The following CCSER1 variants were observed in gnomAD, a reference collection of about 807,000 sequenced individuals.
CCSER1 encodes coiled-coil serine rich protein 1.
CCSER1 carries 41 observed loss-of-function variants against 82.0 expected under a neutral mutation model. The observed-to-expected ratio is 0.50, with a 90% confidence interval of 0.39 to 0.65. CCSER1 has a LOEUF of 0.65. Ranked by LOEUF, CCSER1 falls within the 30% of genes least tolerant of loss-of-function variation. CCSER1 has a pLI of 0.00. For synonymous variants in CCSER1, 414 were observed against 383.9 expected (o/e 1.08, Z -0.92); for missense variants, 1,119 against 1,064.2 (o/e 1.05, Z -0.72).
At chr4:90,726,719 A>T (rs956489252) in intron 7 of CCSER1, among the ~76,000 whole-genome samples, 1 of 152,088 alleles carries the variant, frequency 6.6e-6, no homozygotes, top group African/African-American at 2.4e-5. Context: ...CTGTTTAAAA[A>T]CCATTGCTAG....
intron 10 of CCSER1, among the ~76,000 whole-genome samples, chr4:91,181,497 G>T (rs1734029436): frequency 6.6e-6 from 1 of 152,310 alleles, no homozygotes; most frequent in Middle Eastern, 3.4e-3. Context: ...AGCTCCTAGA[G>T]TAGGCCATAT....
intron 10 of CCSER1, among the ~76,000 whole-genome samples, chr4:91,433,293 T>C (rs1021719241): frequency 2.0e-5 from 3 of 152,184 alleles, no homozygotes; most frequent in African/African-American, 2.4e-5. Flanking sequence ...AAAATTCTTA[T>C]CACCTAGTGA....
chr4:90,598,011 T>C (rs891061136), intron 5 of CCSER1, among the ~76,000 whole-genome samples: 2 of 152,120 alleles, frequency 1.3e-5, no homozygotes, highest in South Asian at 2.1e-4. Flanking sequence ...TTGTTGTATA[T>C]ATATCACATT....
At chr4:90,779,070 AAAT>A (rs1451933300) in intron 7 of CCSER1, among the ~76,000 whole-genome samples, 1 of 152,116 alleles carries the variant, frequency 6.6e-6, no homozygotes, top group Non-Finnish European at 1.5e-5. Context: ...AGATTTATGC[AAAT>A]ATTATGTCAT....
chr4:91,233,780 A>G (rs770654638), intron 10 of CCSER1, among the ~76,000 whole-genome samples: 1 of 151,972 alleles, frequency 6.6e-6, no homozygotes, highest in Non-Finnish European at 1.5e-5. Context: ...ACCAGCATGC[A>G]TCATTTAAAG....
At chr4:91,261,016 G>A (rs1455083551) in intron 10 of CCSER1, among the ~76,000 whole-genome samples, 1 of 152,186 alleles carries the variant, frequency 6.6e-6, no homozygotes, top group African/African-American at 2.4e-5. Flanking sequence ...GCCCTCCTCA[G>A]CCTCCCAAAG....
chr4:90,371,546 G>A (rs1203596250), intron 3 of CCSER1, among the ~76,000 whole-genome samples: 1 of 150,738 alleles, frequency 6.6e-6, no homozygotes, highest in South Asian at 2.1e-4. Context: ...ATAAGCCAAA[G>A]AAAAAAAACA....
chr4:90,981,851 G>A (rs544669112), intron 9 of CCSER1, among the ~76,000 whole-genome samples: 1 of 151,842 alleles, frequency 6.6e-6, no homozygotes, highest in South Asian at 2.1e-4. Flanking sequence ...TTTTATAGGT[G>A]CCTTACCTAA....
chr4:90,798,473 T>G (rs1756336378), intron 7 of CCSER1, among the ~76,000 whole-genome samples: 1 of 151,310 alleles, frequency 6.6e-6, no homozygotes, highest in Non-Finnish European at 1.5e-5. Context: ...ATTCTATTTC[T>G]GTCATTTCAG....
chr4:90,384,158 T>A (rs926596705), intron 3 of CCSER1, among the ~76,000 whole-genome samples: 2 of 151,970 alleles, frequency 1.3e-5, no homozygotes, highest in Non-Finnish European at 2.9e-5. Context: ...TTTTTAATTA[T>A]ACTTTAAGTT....
intron 10 of CCSER1, among the ~76,000 whole-genome samples, chr4:91,263,018 A>G (rs1324621614): frequency 6.6e-6 from 1 of 152,052 alleles, no homozygotes; most frequent in African/African-American, 2.4e-5. Flanking sequence ...TCTGTAAAAT[A>G]GGAGTAATAT....
At chr4:90,850,868 TG>T (rs1002298471) in intron 8 of CCSER1, among the ~76,000 whole-genome samples, 1 of 152,158 alleles carries the variant, frequency 6.6e-6, no homozygotes, top group African/African-American at 2.4e-5. Flanking sequence ...TGGTAGGGGC[TG>T]GGACAGAATG....
chr4:90,524,886 A>G (rs762040332), intron 5 of CCSER1, among the ~76,000 whole-genome samples: 4 of 152,214 alleles, frequency 2.6e-5, no homozygotes, highest in East Asian at 3.9e-4. Flanking sequence ...CAATCAATCA[A>G]ATTATAATTG....
intron 10 of CCSER1, among the ~76,000 whole-genome samples, chr4:91,549,906 T>C (rs1762080367): frequency 6.6e-6 from 1 of 150,984 alleles, no homozygotes; most frequent in Non-Finnish European, 1.5e-5. Context: ...CGCTTCTCAG[T>C]TTTGTTTTGT....
chr4:91,257,125 C>T (rs1336796000), intron 10 of CCSER1, among the ~76,000 whole-genome samples: 1 of 151,922 alleles, frequency 6.6e-6, no homozygotes, highest in African/African-American at 2.4e-5. Flanking sequence ...CAGAATTTAC[C>T]TTAGATGAAA....
chr4:90,843,792 A>AT (rs1481438054), intron 8 of CCSER1, among the ~76,000 whole-genome samples: 1 of 152,046 alleles, frequency 6.6e-6, no homozygotes, highest in African/African-American at 2.4e-5. Context: ...TGCTAGTTAT[A>AT]TTCCCTCCTT....
intron 4 of CCSER1, among the ~76,000 whole-genome samples, chr4:90,429,832 T>C (rs1758029569): frequency 6.6e-6 from 1 of 151,836 alleles, no homozygotes. Flanking sequence ...GAATGGTTTG[T>C]ATATTCGTTT....
intron 10 of CCSER1, among the ~76,000 whole-genome samples, chr4:91,447,185 A>G (rs1029272666): frequency 9.9e-5 from 15 of 152,248 alleles, no homozygotes; most frequent in African/African-American, 2.9e-4. Context: ...TAAGAAGTCC[A>G]GTGACTTTTG....
intron 9 of CCSER1, among the ~76,000 whole-genome samples, chr4:90,973,894 T>C (rs1178904952): frequency 2.0e-5 from 3 of 151,446 alleles, no homozygotes; most frequent in African/African-American, 7.3e-5. Context: ...ATCCTGTCAT[T>C]GTAACAACAT....
Sources: allele counts gnomAD v4.1 joint callset (sites outside exome capture counted in the v4.1 genomes callset), GRCh38; gene constraint gnomAD v4.1.1; transcripts MANE v1.5; gene names NCBI Gene and HGNC (gene_info 2026-07-23, HGNC 2026-07-21).